Variants in CEP128 observed in about 807,000 individuals in gnomAD.
CEP128 encodes the protein centrosomal protein 128.
A neutral mutation model predicts 156.7 loss-of-function variants in CEP128; 132 were observed. The ratio of observed to expected loss-of-function variants is 0.84; its 90% CI spans 0.73 to 0.97. The LOEUF is 0.97. Among genes scored for constraint, CEP128 ranks in the 50% least tolerant of loss-of-function variants. CEP128 has a pLI of 0.00. For missense variants in CEP128, 1,252 were observed against 1,281.9 expected (o/e 0.98, Z 0.36); for synonymous variants, 469 against 448.9 (o/e 1.04, Z -0.57).
At chr14:80,947,691 C>G (rs945632397) in intron 2 of CEP128, among the ~76,000 whole-genome samples, 10 of 152,000 alleles carry the variant, frequency 6.6e-5, no homozygotes, top group African/African-American at 2.4e-4. Flanking sequence ...GAGATTCCCC[C>G]CAAAAGAAAA....
intron 8 of CEP128, among the ~76,000 whole-genome samples, chr14:80,879,837 C>CCAAA (rs140165063): frequency 0.49 from 74,419 of 151,514 alleles, 18,731 homozygotes; most frequent in African/African-American, 0.57. Flanking sequence ...TCAAATGTTC[C>CCAAA]CAGATTCAAC....
At chr14:80,715,521 A>T (rs1897572224) in intron 19 of CEP128, among the ~76,000 whole-genome samples, 3 of 152,216 alleles carry the variant, frequency 2.0e-5, no homozygotes, top group Non-Finnish European at 4.4e-5. Flanking sequence ...TGAAAATGTG[A>T]GAGCAAGTTC....
intron 19 of CEP128, among the ~76,000 whole-genome samples, chr14:80,676,928 T>C (rs1225402496): frequency 6.6e-6 from 1 of 152,164 alleles, no homozygotes; most frequent in Non-Finnish European, 1.5e-5. Context: ...ACATTTATGA[T>C]TGTGAATGAA....
chr14:80,795,736 C>T (rs1474195425), intron 13 of CEP128, among the ~76,000 whole-genome samples: 1 of 152,160 alleles, frequency 6.6e-6, no homozygotes, highest in African/African-American at 2.4e-5. Flanking sequence ...TGTACTATAA[C>T]TCCTCCTTCA....
chr14:80,957,873 G>A (rs1886786937), intron 2 of CEP128: 1 of 152,204 alleles, frequency 6.6e-6, no homozygotes, highest in Non-Finnish European at 1.5e-5. Flanking sequence ...AATAGTCTGA[G>A]GGAAGGCACT....
chr14:80,825,878 C>T (rs969237444), intron 13 of CEP128, among the ~76,000 whole-genome samples: 13 of 152,164 alleles, frequency 8.5e-5, no homozygotes, highest in African/African-American at 1.7e-4. Flanking sequence ...AAGGCCAAGA[C>T]GGGCGGATCA....
rs1223391254 is a variant in CEP128 at position 80,553,318 on chromosome 14, C to T, written c.2880+5961G>A. 5.9e-5 allele frequency among the ~76,000 whole-genome samples: 9 copies of T among 152,282 alleles called. No individual in the cohort carries two copies. In the South Asian group the frequency reaches 1.0e-3, roughly 18 times the overall value. On this transcript the variant is annotated intron_variant, in intron 21 of 24. Transcript: ENST00000555265. The stretch of plus-strand genomic sequence containing the variant: ...CATGTGTTCTCATGTTCAACTCCCA[C>T]TTATGAGTGAGAACAATACATTTTT...
At chr14:80,856,968 A>T (rs945582388) in intron 9 of CEP128, among the ~76,000 whole-genome samples, 3 of 151,044 alleles carry the variant, frequency 2.0e-5, no homozygotes, top group Non-Finnish European at 3.0e-5. Flanking sequence ...GGCTGGTCTC[A>T]AACTCCTGAT....
At chr14:80,773,158 T>C (rs1367071525) in intron 16 of CEP128, among the ~76,000 whole-genome samples, 1 of 152,204 alleles carries the variant, frequency 6.6e-6, no homozygotes, top group East Asian at 1.9e-4. Flanking sequence ...CAAGATATTC[T>C]ATATACCTAT....
At position 80,902,283 on chromosome 14, in the gene CEP128, C is replaced by T. The variant is rs142873889; in HGVS notation, c.481-2254G>A. Among the ~76,000 whole-genome samples the T allele has an allele frequency of 3.0e-3, 451 of 152,244 alleles. 4 individuals are homozygous for T. The highest frequency in any genetic ancestry group is 4.2e-3 in the Non-Finnish European group (287 of 68,012). On this transcript the variant is annotated intron_variant, in intron 6 of 24. Coordinates refer to ENST00000555265, the MANE Select transcript of CEP128 (RefSeq NM_152446.5). ...CCAAGTGTAAGCATTATCCCAATGACAGAGACATTAAATAAACAGAAGGAA... is the reference window on the plus strand; with the variant it reads ...CCAAGTGTAAGCATTATCCCAATGATAGAGACATTAAATAAACAGAAGGAA...
At chr14:80,887,010 C>CA (rs1346958530) in intron 8 of CEP128, among the ~76,000 whole-genome samples, 1 of 151,966 alleles carries the variant, frequency 6.6e-6, no homozygotes, top group Non-Finnish European at 1.5e-5. Flanking sequence ...GACTTTAAAA[C>CA]AAAAAGATCA....
At chr14:80,685,476 T>C (rs1374835020) in intron 19 of CEP128, among the ~76,000 whole-genome samples, 4 of 152,168 alleles carry the variant, frequency 2.6e-5, no homozygotes. Flanking sequence ...CATTCCATGC[T>C]CATGAATTGA....
intron 19 of CEP128, among the ~76,000 whole-genome samples, chr14:80,721,552 T>C (rs1897816944): frequency 6.6e-6 from 1 of 152,344 alleles, no homozygotes; most frequent in East Asian, 1.9e-4. Context: ...ATATAATGGG[T>C]TACATAAATA....
chr14:80,488,991 G>C (rs898453149), downstream of CEP128, among the ~76,000 whole-genome samples: 9 of 149,314 alleles, frequency 6.0e-5, no homozygotes, highest in East Asian at 2.0e-4. Context: ...TTGTGGGTTG[G>C]GGGGAGGGGG....
chr14:80,861,121 T>C (rs983792956), intron 9 of CEP128, among the ~76,000 whole-genome samples: 1 of 151,978 alleles, frequency 6.6e-6, no homozygotes, highest in Non-Finnish European at 1.5e-5. Context: ...TAGGATTCTA[T>C]AAATGTAGAA....
intron 19 of CEP128, among the ~76,000 whole-genome samples, chr14:80,620,968 A>G (rs1459490108): frequency 1.3e-5 from 2 of 152,332 alleles, no homozygotes; most frequent in East Asian, 3.9e-4. Context: ...TAAAAGTATA[A>G]ACACACACAG....
At chr14:80,815,325 C>T (rs1042381777) in intron 13 of CEP128, among the ~76,000 whole-genome samples, 13 of 152,108 alleles carry the variant, frequency 8.5e-5, no homozygotes, top group African/African-American at 3.1e-4. Flanking sequence ...TGCCCAACAT[C>T]ACTAATCATC....
chr14:80,488,840 T>C (rs1472745066), downstream of CEP128, among the ~76,000 whole-genome samples: 2 of 151,976 alleles, frequency 1.3e-5, no homozygotes, highest in Non-Finnish European at 2.9e-5. Flanking sequence ...TGTAGGGACA[T>C]GGATGAAACT....
At chr14:80,640,989 A>G (rs1894383274) in intron 19 of CEP128, among the ~76,000 whole-genome samples, 1 of 152,174 alleles carries the variant, frequency 6.6e-6, no homozygotes, top group Non-Finnish European at 1.5e-5. Context: ...TTCCTTGAGA[A>G]TTGCTTCCTA....
Sources: allele counts gnomAD v4.1 joint callset (sites outside exome capture counted in the v4.1 genomes callset), GRCh38; gene constraint gnomAD v4.1.1; transcripts MANE v1.5; gene names NCBI Gene and HGNC (gene_info 2026-07-23, HGNC 2026-07-21).